Variants in CCDC102B observed in about 807,000 individuals in gnomAD.
CCDC102B encodes the protein coiled-coil domain containing 102B.
Under a neutral mutation model 57.4 loss-of-function variants are expected in CCDC102B, and 75 were observed. The observed-to-expected ratio is 1.31, with a 90% CI of 1.08 to 1.58. The LOEUF (loss-of-function observed/expected upper bound fraction) is 1.58, where lower values mean the gene tolerates loss of function less well. Ranked by LOEUF, CCDC102B falls within the 40% of genes most tolerant of loss-of-function variation. The pLI is 0.00. For missense variants in CCDC102B, 636 were observed against 582.6 expected, an observed-to-expected ratio of 1.09 and a Z score of -0.94; for synonymous variants, 206 against 201.9, an observed-to-expected ratio of 1.02 and a Z score of -0.17.
At position 69,010,726 on chromosome 18, in the gene CCDC102B, G is replaced by A. The variant is rs539870342; in HGVS notation, c.1264-208G>A. ...CATCATTTACAAAACAACGTAAAGA[G>A]TGCATTGTATTTTAGTCACATATCT... On this transcript the variant is annotated intron_variant, in intron 6 of 7. Coordinates refer to ENST00000360242, the MANE Select transcript of CCDC102B (RefSeq NM_024781.3). 1.3e-4 allele frequency among the ~76,000 whole-genome samples: 20 copies of A among 152,228 alleles called. No individual in the cohort carries two copies. In the South Asian group the frequency reaches 3.7e-3, roughly 28 times the overall value.
chr18:68,911,497 A>C (rs555155541), intron 6 of CCDC102B, among the ~76,000 whole-genome samples: 15 of 150,384 alleles, frequency 1.0e-4, no homozygotes, highest in South Asian at 8.5e-4. Context: ...TCACGCCTGT[A>C]ATCCCAGCAC....
At chr18:68,741,689 AC>A (rs2033390636) in intron 2 of CCDC102B, among the ~76,000 whole-genome samples, 1 of 147,596 alleles carries the variant, frequency 6.8e-6, no homozygotes, top group Non-Finnish European at 1.5e-5. Flanking sequence ...ACACACACAC[AC>A]ACACACACAC....
intron 4 of CCDC102B, among the ~76,000 whole-genome samples, chr18:68,871,528 T>G (rs2144920181): frequency 6.6e-6 from 1 of 152,318 alleles, no homozygotes; most frequent in South Asian, 2.1e-4. Context: ...AGTAATTCTG[T>G]TTTTAAAGGA....
intron 7 of CCDC102B, among the ~76,000 whole-genome samples, chr18:69,013,823 T>G (rs758118519): frequency 6.6e-6 from 1 of 152,218 alleles, no homozygotes; most frequent in African/African-American, 2.4e-5. Flanking sequence ...ACTTCCTGAT[T>G]GTAACAGTTG....
chr18:68,761,550 C>G (rs1298664744), intron 2 of CCDC102B, among the ~76,000 whole-genome samples: 2 of 151,472 alleles, frequency 1.3e-5, no homozygotes, highest in Non-Finnish European at 3.0e-5. Context: ...ATTATTTTCT[C>G]TCTACACTTT....
chr18:68,735,940 G>T (rs952453303), intron 2 of CCDC102B, among the ~76,000 whole-genome samples: 3 of 152,216 alleles, frequency 2.0e-5, no homozygotes, highest in Non-Finnish European at 4.4e-5. Flanking sequence ...TCATGTGGTA[G>T]TATAAGGTTA....
chr18:69,049,375 C>CT (rs1274660890), intron 7 of CCDC102B, among the ~76,000 whole-genome samples: 5 of 151,266 alleles, frequency 3.3e-5, no homozygotes, highest in Admixed American at 6.6e-5. Context: ...TGAATTCATC[C>CT]TTTTTTTTTC....
chr18:69,011,361 CATGTGTGTGT>C (rs1222601197), intron 7 of CCDC102B: 1 of 305,772 alleles, frequency 3.3e-6, no homozygotes, highest in African/African-American at 4.2e-5. Context: ...TGCACGTGCG[CATGTGTGTGT>C]GTGTGTGTGT....
intron 1 of CCDC102B, among the ~76,000 whole-genome samples, chr18:68,805,854 A>G (rs910419397): frequency 2.6e-5 from 4 of 152,186 alleles, no homozygotes; most frequent in Admixed American, 2.6e-4. Flanking sequence ...CTCCTAACCT[A>G]TTAACATAAT....
At chr18:68,849,850 G>A (rs2038045223) in intron 4 of CCDC102B, among the ~76,000 whole-genome samples, 1 of 152,192 alleles carries the variant, frequency 6.6e-6, no homozygotes, top group African/African-American at 2.4e-5. Context: ...AGCCCTACCT[G>A]TGTTTGGAGG....
rs1203179217 is a variant in CCDC102B at position 68,906,903 on chromosome 18, C to A, written c.1263+9475C>A. ...AAAACCCATTGTTAAACCCAAGATT[C>A]TCCCCTATGTTTATTTCTGATACTT... is the stretch of plus-strand genomic sequence containing the variant. On this transcript the variant is annotated intron_variant, in intron 6 of 7. Transcript: ENST00000360242. Among the ~76,000 whole-genome samples the A allele has an allele frequency of 5.7e-5, 8 of 141,488 alleles. No homozygotes were observed. In the Admixed American group the frequency reaches 5.8e-4, roughly 10 times the overall value. The allele number at this position is 141,488 out of a possible 152,430, so 92.8% of individuals were successfully genotyped here. A position where few individuals can be genotyped will look rare whatever the true frequency, so the allele number is the denominator to read the frequency against.
chr18:68,950,498 A>C (rs1218080240), intron 6 of CCDC102B, among the ~76,000 whole-genome samples: 1 of 152,132 alleles, frequency 6.6e-6, no homozygotes, highest in Non-Finnish European at 1.5e-5. Context: ...TAAATCCTAG[A>C]ATTTTAAAAA....
At chr18:68,729,287 G>C (rs771637930) in intron 2 of CCDC102B, among the ~76,000 whole-genome samples, 1 of 152,124 alleles carries the variant, frequency 6.6e-6, no homozygotes. Flanking sequence ...ATTATCTATC[G>C]ATTCAATGAA....
At chr18:68,822,356 T>A (rs62097570) in intron 1 of CCDC102B, among the ~76,000 whole-genome samples, 25,237 of 151,294 alleles carry the variant, frequency 0.17, 3,004 homozygotes, top group East Asian at 0.49. Context: ...ATTGCACCAC[T>A]GCACTCCAGC....
chr18:68,875,067 T>A (rs1174564388), intron 5 of CCDC102B: 2 of 194,994 alleles, frequency 1.0e-5, no homozygotes, highest in Non-Finnish European at 1.0e-5. Context: ...TTTTTAAAAG[T>A]TCAACCAGCT....
At chr18:68,755,092 C>G (rs985257511) in intron 2 of CCDC102B, 4 of 152,158 alleles carry the variant, frequency 2.6e-5, no homozygotes, top group African/African-American at 7.2e-5. Flanking sequence ...TTTCTCTATT[C>G]TTTCATCTGG....
chr18:68,814,574 A>G (rs1472651079), intron 1 of CCDC102B, among the ~76,000 whole-genome samples: 2 of 152,114 alleles, frequency 1.3e-5, no homozygotes, highest in African/African-American at 2.4e-5. Flanking sequence ...AAAATTAAAG[A>G]TTAAAATATA....
At chr18:68,803,439 T>G (rs1221651936) in intron 1 of CCDC102B, among the ~76,000 whole-genome samples, 1 of 152,156 alleles carries the variant, frequency 6.6e-6, no homozygotes, top group Non-Finnish European at 1.5e-5. Flanking sequence ...AATAGAATAT[T>G]TACACACTCT....
At chr18:68,937,228 C>G (rs1336916749) in intron 6 of CCDC102B, among the ~76,000 whole-genome samples, 5 of 152,020 alleles carry the variant, frequency 3.3e-5, no homozygotes, top group African/African-American at 1.2e-4. Flanking sequence ...TTAGACAGCA[C>G]TTTAGCAAAA....
Sources: gnomAD v4.1 joint callset for allele counts (sites outside exome capture counted in the v4.1 genomes callset) on GRCh38, gnomAD v4.1.1 for gene constraint, MANE v1.5 for transcripts, NCBI Gene and HGNC (gene_info 2026-07-23, HGNC 2026-07-21) for gene names.